LDHD: variants seen among roughly 807,000 people sequenced by gnomAD.
LDHD encodes the protein lactate dehydrogenase D.
LDHD carries 58 observed loss-of-function variants against 52.9 expected under a neutral mutation model. The observed-to-expected ratio is 1.10, with a 90% CI of 0.89 to 1.36. The LOEUF (loss-of-function observed/expected upper bound fraction) is 1.36. LDHD is among the 40% of genes most tolerant of loss of function. LDHD has a pLI of 0.00. For missense variants in LDHD, 747 were observed against 668.0 expected, an observed-to-expected ratio of 1.12 and a Z score of -1.30; for synonymous variants, 350 against 288.6, an observed-to-expected ratio of 1.21 and a Z score of -2.16.
At chr16:75,113,506 G>A (rs1020153608) in intron 8 of LDHD, 29 bp downstream of exon 8, 25 of 1,585,044 alleles carry the variant, frequency 1.6e-5, no homozygotes, top group Non-Finnish European at 2.1e-5. Flanking sequence ...CGAGCTGTGG[G>A]CCCCATCTGT....
At chr16:75,115,427 G>C in intron 2 of LDHD, 88 bp from the exon 3 acceptor site, 1 of 1,594,576 alleles carries the variant, frequency 6.3e-7, no homozygotes. Flanking sequence ...CAAGCGAGGG[G>C]CAGAGAACAT....
rs201083623 is a variant in LDHD, at chr16:75,113,702, G to A, written c.958+40C>T. On this transcript the variant is annotated intron_variant, in intron 7 of 10. Transcript: ENST00000450168. The stretch of plus-strand genomic sequence containing the variant: ...GGGGGGCTGACACCGGGCCGCCACT[G>A]AGGCAGCCCACCCTGCTGCCCCACT... The A allele has an allele frequency of 2.0e-4, 322 of 1,613,004 alleles. 1 individual carries two copies. The African/African-American group carries it at 3.9e-3, about 19-fold the overall frequency.
Position 75,112,088 on chromosome 16 carries a change from G to A in LDHD, c.*268C>T, listed in dbSNP as rs1043474145. 21 of 442,712 alleles carry A rather than the reference G, an allele frequency of 4.7e-5. No homozygotes were observed. Among genetic ancestry groups the A allele is most frequent in the African/African-American group, 1.2e-4 (6 of 50,496 alleles). The allele number at this position is 442,712 out of a possible 1,614,324, so 27.4% of individuals were successfully genotyped here. ...CTCTCTTCCCGCCAGGACAGGATGCGTAGGAGCAGAGAGGAAGCAGCTTTG... is the reference window on the plus strand; with the variant it reads ...CTCTCTTCCCGCCAGGACAGGATGCATAGGAGCAGAGAGGAAGCAGCTTTG... On this transcript the variant is annotated 3_prime_UTR_variant, in exon 11 of 11. Coordinates refer to ENST00000450168, the MANE Select transcript of LDHD (RefSeq NM_194436.3).
rs759001096 is a variant in LDHD, at chr16:75,112,419, G to A, written c.1392C>T (p.Thr464=). The change falls in exon 11 of 11, where the codon ACC becomes ACT. Residue 464 remains threonine (T), a synonymous_variant. Coordinates refer to ENST00000450168, the MANE Select transcript of LDHD (RefSeq NM_194436.3). ...CTAGCACGGCCTTGAGCTGCCGCAT[G>A]GTCTCCACGCCCACGGCGCCCACCT... ...QEEVGAVGVE[T]MRQLKAVLDP... is the part of the protein sequence containing the mutation. The A allele has an allele frequency of 1.1e-5, 17 of 1,613,374 alleles. No homozygotes were observed. In the South Asian group the frequency reaches 1.1e-4, roughly 10 times the overall value.
chr16:75,116,295 G>A lies in LDHD; in HGVS notation c.72+354C>T, dbSNP rs187203056. ...CCCTTCGTGGGGGGCGGGGCGCGGC[G>A]GGGCGGGGGATGTGTTTCTTCCCAT... On this transcript the variant is annotated intron_variant, in intron 1 of 10. Coordinates refer to ENST00000450168, the MANE Select transcript of LDHD (RefSeq NM_194436.3). Among the ~76,000 whole-genome samples, 1,074 of 152,294 alleles carry A rather than the reference G, an allele frequency of 7.1e-3. 7 individuals are homozygous for A. Among genetic ancestry groups the A allele is most frequent in the Non-Finnish European group, 0.012 (814 of 68,026 alleles).
rs2036528293 is a variant in LDHD, at chr16:75,115,450, C to T, written c.185+98G>A. Reference sequence around the variant, plus strand: ...GGGCAGAGAACATGCCAGAGCACCCCAAAACAGATGAGTGAGGAGGAAGGC... The same window carrying T: ...GGGCAGAGAACATGCCAGAGCACCCTAAAACAGATGAGTGAGGAGGAAGGC... On this transcript the variant is annotated intron_variant, in intron 2 of 10. Transcript: ENST00000450168. The T allele has an allele frequency of 2.5e-6, 4 of 1,588,114 alleles. No homozygotes were observed. In the East Asian group the frequency reaches 6.7e-5, roughly 27 times the overall value.
intron 8 of LDHD, 66 bp downstream of exon 8, chr16:75,113,469 G>A: frequency 6.5e-7 from 1 of 1,527,870 alleles, no homozygotes; most frequent in Non-Finnish European, 8.8e-7. Flanking sequence ...GCAGTAGAGT[G>A]GTGGGTTGAG....
intron 2 of LDHD, 25 bp from the exon 3 acceptor site, chr16:75,115,364 A>G: frequency 6.2e-7 from 1 of 1,612,406 alleles, no homozygotes; most frequent in Non-Finnish European, 8.5e-7. Flanking sequence ...TCAGCGATTT[A>G]GCGGGGCGTG....
At chr16:75,114,405 G>A in intron 5 of LDHD, 121 bp downstream of exon 5, 8 of 1,360,374 alleles carry the variant, frequency 5.9e-6, no homozygotes, top group African/African-American at 4.4e-5. Flanking sequence ...AGAGCCTGAG[G>A]AAGCCTAGCC....
rs1189288277 is a variant in LDHD, at chr16:75,113,016, G to T, written c.1087-92C>A. The stretch of plus-strand genomic sequence containing the variant: ...CTGAGGATGGGTCGGAGGGCACTGG[G>T]CTTCAGCTCTTGGCCTCACACAAGG... On this transcript the variant is annotated intron_variant, in intron 8 of 10. Coordinates refer to ENST00000450168, the MANE Select transcript of LDHD (RefSeq NM_194436.3). 4 of 876,718 alleles carry T rather than the reference G, an allele frequency of 4.6e-6. No individual in the cohort carries two copies. The African/African-American group carries it at 6.6e-5, about 14-fold the overall frequency. 54.3% of individuals were successfully genotyped at this position (876,718 alleles called of 1,614,324 possible). A position where few individuals can be genotyped will look rare whatever the true frequency, so the allele number is the denominator to read the frequency against.
chr16:75,113,027 TG>T (rs1484414533), intron 8 of LDHD, 103 bp from the exon 9 acceptor site: 2 of 784,482 alleles, frequency 2.5e-6, no homozygotes, highest in African/African-American at 3.4e-5. Context: ...CTTCAGCTCT[TG>T]GCCTCACACA....
chr16:75,113,081 C>T (rs150128473), intron 8 of LDHD, among the ~76,000 whole-genome samples, 157 bp from the exon 9 acceptor site: 1 of 152,264 alleles, frequency 6.6e-6, no homozygotes, highest in Non-Finnish European at 1.5e-5. Context: ...CCCTCACCTC[C>T]CCCCGACACA....
At position 75,114,556 on chromosome 16, in the gene LDHD, A is replaced by G. The variant is rs2036493657; in HGVS notation, c.599T>C (p.Leu200Pro). The G allele has an allele frequency of 6.5e-7, 1 of 1,530,426 alleles. No homozygotes were observed. Among genetic ancestry groups the G allele is most frequent in the Non-Finnish European group, 8.7e-7 (1 of 1,143,674 alleles). The allele number at this position is 1,530,426 out of a possible 1,614,324, so 94.8% of individuals were successfully genotyped here. The change falls in exon 5 of 11, where the codon CTG (leucine) becomes CCG (proline). Residue 200 changes from leucine (L) to proline (P), a missense_variant. By Grantham distance (98) the Leu-to-Pro change is moderately conservative. Coordinates refer to ENST00000450168, the MANE Select transcript of LDHD (RefSeq NM_194436.3). ...ATGCCGGCCTCGGCCCGCCGTGTGC[A>G]GCAGCCGCCCGTCGGGCAGCACCAC... ...LEVVLPDGRL[L>P]HTAGRGRHFR...
chr16:75,115,573 G>A lies in LDHD; in HGVS notation c.160C>T (p.His54Tyr), dbSNP rs1314075035. 2 of 1,612,976 alleles carry A rather than the reference G, an allele frequency of 1.2e-6. No homozygotes were observed. Among genetic ancestry groups the A allele is most frequent in the Non-Finnish European group, 1.7e-6 (2 of 1,179,952 alleles). ...CTGTGCACCGACTCATCGCGCCCGTGCTGCTCTCGGACCACCGCGGCAGTG... is the reference window on the plus strand; with the variant it reads ...CTGTGCACCGACTCATCGCGCCCGTACTGCTCTCGGACCACCGCGGCAGTG... ...VSTAAVVREQHGRDESVHRCE... is the reference protein window; with the variant it reads ...VSTAAVVREQYGRDESVHRCE... The change falls in exon 2 of 11, where the codon CAC becomes TAC. Residue 54 changes from histidine (H) to tyrosine (Y), a missense_variant. Physicochemically the swap from His to Tyr is moderately conservative, Grantham distance 83 (BLOSUM62 2). Transcript: ENST00000450168.
chr16:75,112,476 GA>G lies in LDHD; in HGVS notation c.1334del (p.Ile445ThrfsTer28), dbSNP rs767421432. ...LHGTCTGEHG[I>X]GMGKRQLLQE... is the part of the protein sequence containing the mutation. ...GCAGCAGCTGCCGCTTGCCCATTCCGATGCCATGCTCCCCCGTGCACGTTCC... is the reference window on the plus strand; with the variant it reads ...GCAGCAGCTGCCGCTTGCCCATTCCGTGCCATGCTCCCCCGTGCACGTTCC... On this transcript the variant is annotated frameshift_variant, in exon 11 of 11. Transcript: ENST00000450168. LOFTEE classifies it high-confidence loss of function. 6.2e-7 allele frequency: 1 copy of G among 1,613,448 alleles called. No individual in the cohort carries two copies. Among genetic ancestry groups the G allele is most frequent in the Non-Finnish European group, 8.5e-7 (1 of 1,180,016 alleles).
chr16:75,112,671 A>G lies in LDHD; in HGVS notation c.1220T>C (p.Ile407Thr), dbSNP rs1385721444. Reference sequence around the variant, plus strand: ...GGCGTCATCAGGGTTGACCAGCAGGATGCAGTGGAAGTTGCCGTCACCCAC... The same window carrying G: ...GGCGTCATCAGGGTTGACCAGCAGGGTGCAGTGGAAGTTGCCGTCACCCAC... ...GHVGDGNFHCILLVNPDDAEE... is the reference protein window; with the variant it reads ...GHVGDGNFHCTLLVNPDDAEE... Residue 407 changes from isoleucine to threonine, a missense_variant, in exon 10 of 11, where the codon ATC becomes ACC. Physicochemically the swap from Ile to Thr is moderately conservative, Grantham distance 89. Coordinates refer to ENST00000450168, the MANE Select transcript of LDHD (RefSeq NM_194436.3). 7 of 1,613,998 alleles carry G rather than the reference A, an allele frequency of 4.3e-6. No individual in the cohort carries two copies. Among genetic ancestry groups the G allele is most frequent in the East Asian group, 4.5e-5 (2 of 44,884 alleles).
chr16:75,113,893 C>G, intron 6 of LDHD, 23 bp from the exon 7 acceptor site: 1 of 1,613,284 alleles, frequency 6.2e-7, no homozygotes, highest in South Asian at 1.1e-5. Context: ...AGATGGCAGG[C>G]CAGGTGAGGC....
At chr16:75,112,965 G>T in intron 8 of LDHD, 41 bp from the exon 9 acceptor site, 1 of 1,469,910 alleles carries the variant, frequency 6.8e-7, no homozygotes, top group Non-Finnish European at 9.4e-7. Flanking sequence ...TGCCTGATTG[G>T]GTGTACGGGG....
Position 75,112,708 on chromosome 16 carries a change from T to C in LDHD, c.1183A>G (p.Ile395Val). The change falls in exon 10 of 11, where the codon ATT (isoleucine) becomes GTT (valine). Residue 395 changes from isoleucine (I) to valine (V), a missense_variant. Physicochemically the swap from Ile to Val is conservative, Grantham distance 29. Transcript: ENST00000450168. ...DLNASGLTGS[I>V]VGHVGDGNFH... ...TTGCCGTCACCCACATGCCCGACAA[T>C]GCTTCCTGGGGGCCCAGAGGACAGA... is the stretch of plus-strand genomic sequence containing the variant. 1 of 1,613,686 alleles carries C rather than the reference T, an allele frequency of 6.2e-7. No individual in the cohort carries two copies. The highest frequency in any genetic ancestry group is 8.5e-7 in the Non-Finnish European group (1 of 1,179,720).
Sources: allele counts gnomAD v4.1 joint callset (sites outside exome capture counted in the v4.1 genomes callset), GRCh38; gene constraint gnomAD v4.1.1; transcripts MANE v1.5; gene names NCBI Gene and HGNC (gene_info 2026-07-23, HGNC 2026-07-21).